Variants in TMEM132D observed in about 807,000 individuals in gnomAD.
TMEM132D encodes the protein transmembrane protein 132D.
In TMEM132D, 21 loss-of-function variants were observed where a neutral mutation model predicts 62.3. That is an observed-to-expected ratio of 0.34 (90% CI 0.24 to 0.49). TMEM132D has a LOEUF of 0.49. TMEM132D is among the 20% of genes least tolerant of loss of function. The probability of loss-of-function intolerance (pLI) is 0.99; values close to 1 mark genes in which losing one functional copy is unlikely to be tolerated. For missense variants in TMEM132D, 1,346 were observed against 1,402.8 expected (o/e 0.96, Z 0.65); for synonymous variants, 621 against 575.6 (o/e 1.08, Z -1.13).
chr12:129,310,944 T>C (rs1003185599), intron 4 of TMEM132D, among the ~76,000 whole-genome samples: 1 of 151,974 alleles, frequency 6.6e-6, no homozygotes, highest in Non-Finnish European at 1.5e-5. Context: ...ATAATTCTCA[T>C]TGAACAAAAA....
intron 1 of TMEM132D, among the ~76,000 whole-genome samples, chr12:129,776,922 A>T (rs1870953238): frequency 6.6e-6 from 1 of 152,164 alleles, no homozygotes; most frequent in African/African-American, 2.4e-5. Flanking sequence ...TAGGAAAATA[A>T]ATCTGTATCT....
Position 129,903,541 on chromosome 12 carries a change from T to G in TMEM132D, c.-202A>C, listed in dbSNP as rs993423508. On this transcript the variant is annotated 5_prime_UTR_variant, in exon 1 of 9. Transcript: ENST00000422113. The surrounding 1 kb of genome is among the most constrained non-coding windows in gnomAD (Gnocchi z 6.2). ...GGCGACGACCGCGCGGGCTCCTGAGTTGCTCTCCGGAGTCCAACACGCGCG... is the reference window on the plus strand; with the variant it reads ...GGCGACGACCGCGCGGGCTCCTGAGGTGCTCTCCGGAGTCCAACACGCGCG... 8.5e-6 allele frequency: 5 copies of G among 588,744 alleles called. No individual in the cohort carries two copies. In the Admixed American group the frequency reaches 1.5e-4, roughly 18 times the overall value. 36.5% of individuals were successfully genotyped at this position (588,744 alleles called of 1,614,324 possible).
intron 3 of TMEM132D, among the ~76,000 whole-genome samples, chr12:129,476,093 C>T (rs1874248306): frequency 6.6e-6 from 1 of 152,204 alleles, no homozygotes; most frequent in Non-Finnish European, 1.5e-5. Flanking sequence ...GTCCTCCACA[C>T]TGTGGGGGGT....
At chr12:129,289,934 G>C (rs751089718) in intron 4 of TMEM132D, among the ~76,000 whole-genome samples, 25 of 152,174 alleles carry the variant, frequency 1.6e-4, no homozygotes, top group Non-Finnish European at 2.9e-4. Context: ...AGCAGACGCA[G>C]CCACCCTGCA....
intron 4 of TMEM132D, among the ~76,000 whole-genome samples, chr12:129,319,029 T>C (rs1209346158): frequency 6.6e-6 from 1 of 152,176 alleles, no homozygotes; most frequent in Non-Finnish European, 1.5e-5. Flanking sequence ...AAACTTGCCC[T>C]GGGCTACCTG....
intron 1 of TMEM132D, among the ~76,000 whole-genome samples, chr12:129,878,942 C>T (rs1184271164): frequency 6.6e-6 from 1 of 152,122 alleles, no homozygotes; most frequent in Admixed American, 6.5e-5. Flanking sequence ...ACCATCTCCT[C>T]CCTCTGCCCT....
At chr12:129,305,696 T>G (rs1392221022) in intron 4 of TMEM132D, among the ~76,000 whole-genome samples, 1 of 152,170 alleles carries the variant, frequency 6.6e-6, no homozygotes, top group Non-Finnish European at 1.5e-5. Context: ...TTGATCAGGT[T>G]TCTTAATCTC....
At chr12:129,873,278 G>C (rs1874315130) in intron 1 of TMEM132D, among the ~76,000 whole-genome samples, 1 of 152,118 alleles carries the variant, frequency 6.6e-6, no homozygotes, top group Non-Finnish European at 1.5e-5. Flanking sequence ...CCTCCGAACA[G>C]ATGCATTATT....
At position 129,841,547 on chromosome 12, in the gene TMEM132D, T is replaced by C. The variant is rs145108042; in HGVS notation, c.79+61714A>G. On this transcript the variant is annotated intron_variant, in intron 1 of 8. Transcript: ENST00000422113. ...CTGTATTTCCTTCTTCCCTCTGTAA[T>C]AGTAATGAGGTGCACTGAAATGTTA... Among the ~76,000 whole-genome samples, 836 of 152,322 alleles carry C rather than the reference T, an allele frequency of 5.5e-3. 6 individuals are homozygous for C. The highest frequency in any genetic ancestry group is 0.014 in the Middle Eastern group (4 of 294).
intron 3 of TMEM132D, among the ~76,000 whole-genome samples, chr12:129,478,947 A>T (rs1874349796): frequency 6.6e-6 from 1 of 152,228 alleles, no homozygotes; most frequent in Non-Finnish European, 1.5e-5. Context: ...AAAGACCTAC[A>T]CATGCATGAA....
At chr12:129,591,540 G>T (rs202156052) in intron 2 of TMEM132D, among the ~76,000 whole-genome samples, 70 of 147,688 alleles carry the variant, frequency 4.7e-4, no homozygotes, top group African/African-American at 1.5e-3. Context: ...TGGCTTTTGG[G>T]TTTTTTTTTT....
chr12:129,338,359 G>A (rs1029661905), intron 3 of TMEM132D, among the ~76,000 whole-genome samples: 1 of 152,182 alleles, frequency 6.6e-6, no homozygotes, highest in African/African-American at 2.4e-5. Flanking sequence ...GCTGTGATGA[G>A]CATGGAGAAG....
chr12:129,615,095 G>A (rs998742777), intron 2 of TMEM132D, among the ~76,000 whole-genome samples: 2 of 152,118 alleles, frequency 1.3e-5, no homozygotes, highest in African/African-American at 4.8e-5. Context: ...AATAGCCATC[G>A]TGAGATTGGA....
chr12:129,543,701 T>C (rs1876655168), intron 2 of TMEM132D, among the ~76,000 whole-genome samples: 1 of 152,230 alleles, frequency 6.6e-6, no homozygotes, highest in South Asian at 2.1e-4. Context: ...CTTATCACTT[T>C]CACACCATTG....
chr12:129,597,523 G>A (rs1040847383), intron 2 of TMEM132D, among the ~76,000 whole-genome samples: 8 of 152,042 alleles, frequency 5.3e-5, no homozygotes, highest in African/African-American at 7.2e-5. Flanking sequence ...TAACATTCAC[G>A]GAGTACAAGT....
intron 2 of TMEM132D, among the ~76,000 whole-genome samples, chr12:129,647,024 C>A (rs1879800814): frequency 6.6e-6 from 1 of 151,562 alleles, no homozygotes. Flanking sequence ...GGTCTCAAAC[C>A]ACTGACCTCA....
chr12:129,301,687 G>T (rs1881718365), intron 4 of TMEM132D, among the ~76,000 whole-genome samples: 1 of 152,266 alleles, frequency 6.6e-6, no homozygotes, highest in East Asian at 1.9e-4. Flanking sequence ...CACTGTTCTA[G>T]GTGATTTTAT....
At chr12:129,402,293 G>A (rs1871646789) in intron 3 of TMEM132D, among the ~76,000 whole-genome samples, 1 of 152,130 alleles carries the variant, frequency 6.6e-6, no homozygotes, top group African/African-American at 2.4e-5. Context: ...TCAAATCCAG[G>A]TGTTGTCTAG....
chr12:129,463,808 C>A (rs886193587), intron 3 of TMEM132D, among the ~76,000 whole-genome samples: 11 of 152,158 alleles, frequency 7.2e-5, no homozygotes, highest in African/African-American at 2.7e-4. Context: ...ATAAACTCAT[C>A]ATTTTTTATG....
Sources: allele counts gnomAD v4.1 joint callset (sites outside exome capture counted in the v4.1 genomes callset), GRCh38; gene constraint gnomAD v4.1.1; non-coding constraint Gnocchi (gnomAD v3.1); transcripts MANE v1.5; gene names NCBI Gene and HGNC (gene_info 2026-07-23, HGNC 2026-07-21).